Variants in DPYSL3 observed in about 807,000 individuals in gnomAD.
DPYSL3 encodes the protein dihydropyrimidinase like 3, also known as dihydropyrimidinase-related protein 3.
Under a neutral mutation model 66.1 loss-of-function variants are expected in DPYSL3, and 16 were observed. That is an observed-to-expected ratio of 0.24 (90% confidence interval 0.16 to 0.37). The LOEUF is 0.37. DPYSL3 is among the 10% of genes least tolerant of loss of function. The probability of loss-of-function intolerance (pLI) is 1.00; values close to 1 mark genes in which losing one functional copy is unlikely to be tolerated. For missense variants in DPYSL3, 738 were observed against 916.2 expected (o/e 0.81, Z 2.51); for synonymous variants, 338 against 345.1 (o/e 0.98, Z 0.23).
intron 5 of DPYSL3, 106 bp downstream of exon 5, chr5:147,413,490 G>T (rs1751897244): frequency 1.2e-6 from 1 of 854,942 alleles, no homozygotes; most frequent in Admixed American, 2.2e-5. Context: ...TGGCCCAGTG[G>T]TCTCCCACAG....
intron 6 of DPYSL3, among the ~76,000 whole-genome samples, chr5:147,412,229 T>C (rs1047719440): frequency 1.3e-5 from 2 of 152,254 alleles, no homozygotes; most frequent in South Asian, 2.1e-4. Flanking sequence ...CTCTGGCTTC[T>C]GAGAAATGCT....
rs1422072730 is a variant in DPYSL3 at position 147,481,838 on chromosome 5, T to C, written c.381+27640A>G. Among the ~76,000 whole-genome samples the C allele has an allele frequency of 2.0e-5, 3 of 152,230 alleles. 1 individual carries two copies. Among genetic ancestry groups the C allele is most frequent in the Non-Finnish European group, 4.4e-5 (3 of 68,046 alleles). On this transcript the variant is annotated intron_variant, in intron 1 of 13. Transcript: ENST00000343218. Reference sequence around the variant, plus strand: ...TTAGACATTCCAGGTTCCAGAATCATGAGCTAAATAAATTTATGTTCATTA... The same window carrying C: ...TTAGACATTCCAGGTTCCAGAATCACGAGCTAAATAAATTTATGTTCATTA...
At chr5:147,457,168 ATTC>A (rs1312531375) in intron 1 of DPYSL3, among the ~76,000 whole-genome samples, 5 of 152,148 alleles carry the variant, frequency 3.3e-5, no homozygotes, top group African/African-American at 9.7e-5. Flanking sequence ...TTTACTTCGT[ATTC>A]TTCTTATTAT....
At chr5:147,423,881 C>T (rs772173760) in intron 2 of DPYSL3, among the ~76,000 whole-genome samples, 4 of 152,038 alleles carry the variant, frequency 2.6e-5, no homozygotes, top group Non-Finnish European at 4.4e-5. Context: ...CCAGCACACC[C>T]GGGTAATTTT....
At chr5:147,446,788 C>T (rs1752637110) in intron 1 of DPYSL3, among the ~76,000 whole-genome samples, 1 of 152,250 alleles carries the variant, frequency 6.6e-6, no homozygotes, top group Non-Finnish European at 1.5e-5. Flanking sequence ...GAACCACTGT[C>T]AAGAGGACAC....
At chr5:147,488,259 CA>C (rs1300076659) in intron 1 of DPYSL3, among the ~76,000 whole-genome samples, 9 of 152,040 alleles carry the variant, frequency 5.9e-5, no homozygotes, top group Admixed American at 6.6e-5. Flanking sequence ...AGAAAGAAAC[CA>C]GGAGGTAGAT....
Position 147,509,214 on chromosome 5 carries a change from G to A in DPYSL3, c.381+264C>T, listed in dbSNP as rs1352732097. Among the ~76,000 whole-genome samples the A allele has an allele frequency of 1.3e-5, 2 of 152,170 alleles. No individual in the cohort carries two copies. Among genetic ancestry groups the A allele is most frequent in the Non-Finnish European group, 2.9e-5 (2 of 68,026 alleles). On this transcript the variant is annotated intron_variant, in intron 1 of 13. Transcript: ENST00000343218. The surrounding 1 kb of genome is among the most constrained non-coding windows in gnomAD (Gnocchi z 5.3). ...GGATGGCCCAGGAGTGCGGCGAGGAGGCAGGGGCAAAGGACGCGGCTCCAG... is the reference window on the plus strand; with the variant it reads ...GGATGGCCCAGGAGTGCGGCGAGGAAGCAGGGGCAAAGGACGCGGCTCCAG...
At chr5:147,410,434 G>T (rs141066458) in intron 6 of DPYSL3, among the ~76,000 whole-genome samples, 2 of 152,284 alleles carry the variant, frequency 1.3e-5, no homozygotes, top group Non-Finnish European at 2.9e-5. Flanking sequence ...ATAGCTGAGA[G>T]ATTAAGAACA....
At chr5:147,421,231 G>A (rs961167203) in intron 2 of DPYSL3, among the ~76,000 whole-genome samples, 2 of 152,126 alleles carry the variant, frequency 1.3e-5, no homozygotes, top group African/African-American at 4.8e-5. Flanking sequence ...TGGACAAATA[G>A]AGAGCCAAAT....
At chr5:147,466,090 AC>A (rs1332607435) in intron 1 of DPYSL3, among the ~76,000 whole-genome samples, 2 of 152,210 alleles carry the variant, frequency 1.3e-5, no homozygotes, top group Non-Finnish European at 2.9e-5. Flanking sequence ...AAATTAAGAG[AC>A]CTGGCAATTC....
chr5:147,490,340 C>T (rs1285534094), intron 1 of DPYSL3, among the ~76,000 whole-genome samples: 1 of 152,040 alleles, frequency 6.6e-6, no homozygotes. Context: ...GAAGGTTTAC[C>T]ACCTTCTTGC....
chr5:147,475,283 T>C (rs1561800435), intron 1 of DPYSL3, among the ~76,000 whole-genome samples: 1 of 152,148 alleles, frequency 6.6e-6, no homozygotes, highest in Non-Finnish European at 1.5e-5. Context: ...TTCTTGGTTT[T>C]AATATCATAT....
Position 147,392,779 on chromosome 5 carries a change from C to T in DPYSL3, c.*1256G>A, listed in dbSNP as rs1757851210. The T allele has an allele frequency of 6.6e-6, 1 of 152,176 alleles. No individual in the cohort carries two copies. Among genetic ancestry groups the T allele is most frequent in the African/African-American group, 2.4e-5 (1 of 41,414 alleles). 9.4% of individuals were successfully genotyped at this position (152,176 alleles called of 1,614,324 possible). On this transcript the variant is annotated 3_prime_UTR_variant, in exon 14 of 14. Coordinates refer to ENST00000343218, the MANE Select transcript of DPYSL3 (RefSeq NM_001197294.2). ...CTAGGACTGAGACACAAAGTTCCCC[C>T]AGAGTTTCTGCTAATGGAAGGGGAA...
intron 2 of DPYSL3, among the ~76,000 whole-genome samples, chr5:147,423,737 G>A (rs1474666614): frequency 2.0e-5 from 3 of 152,046 alleles, no homozygotes; most frequent in African/African-American, 7.2e-5. Flanking sequence ...TTTTGAGACA[G>A]AGCCTAGCTC....
At chr5:147,415,606 C>T in intron 4 of DPYSL3, 103 bp downstream of exon 4, 1 of 1,426,774 alleles carries the variant, frequency 7.0e-7, no homozygotes, top group South Asian at 1.3e-5. Context: ...ACTCAAGGTT[C>T]CAGGCTCCAA....
At chr5:147,418,686 A>G in intron 2 of DPYSL3, 55 bp from the exon 3 acceptor site, 2 of 1,472,542 alleles carry the variant, frequency 1.4e-6, no homozygotes, top group Non-Finnish European at 1.8e-6. Flanking sequence ...TTAAAAGTGC[A>G]ATTTCCAAGA....
chr5:147,434,305 T>C (rs527255149), intron 1 of DPYSL3, among the ~76,000 whole-genome samples: 1 of 152,344 alleles, frequency 6.6e-6, no homozygotes, highest in South Asian at 2.1e-4. Flanking sequence ...TGGATTTATA[T>C]GATAGTTTTG....
intron 1 of DPYSL3, among the ~76,000 whole-genome samples, chr5:147,478,228 C>A (rs142801816): frequency 1.3e-5 from 2 of 152,144 alleles, no homozygotes; most frequent in Non-Finnish European, 2.9e-5. Flanking sequence ...ATTTTTACTC[C>A]GTCTCCAGCT....
Position 147,402,481 on chromosome 5 carries a change from G to A in DPYSL3, c.1154-785C>T, listed in dbSNP as rs1314510811. ...TCCTGCCTCAGCCTCCCGAGTAGCT[G>A]GGACTACAGGCGCCCGCCACCACGC... On this transcript the variant is annotated intron_variant, in intron 8 of 13. Transcript: ENST00000343218. Among the ~76,000 whole-genome samples the A allele has an allele frequency of 6.1e-5, 9 of 147,734 alleles. 1 individual carries two copies. The highest frequency in any genetic ancestry group is 2.4e-4 in the African/African-American group (9 of 37,456).
Sources: allele counts gnomAD v4.1 joint callset (sites outside exome capture counted in the v4.1 genomes callset), GRCh38; gene constraint gnomAD v4.1.1; non-coding constraint Gnocchi (gnomAD v3.1); transcripts MANE v1.5; gene names NCBI Gene and HGNC (gene_info 2026-07-23, HGNC 2026-07-21).